ROBO2: variants seen among roughly 807,000 people sequenced by gnomAD.
ROBO2 encodes roundabout homolog 2.
A neutral mutation model predicts 160.8 loss-of-function variants in ROBO2; 53 were observed. The observed-to-expected ratio is 0.33, with a 90% confidence interval of 0.26 to 0.41. The LOEUF is 0.41. ROBO2 is among the 10% of genes least tolerant of loss of function. The pLI is 1.00. For missense variants in ROBO2, 1,577 were observed against 1,722.4 expected, an observed-to-expected ratio of 0.92 and a Z score of 1.49; for synonymous variants, 664 against 611.7, an observed-to-expected ratio of 1.09 and a Z score of -1.26.
chr3:76,430,755 T>C (rs898422880), intron 2 of ROBO2, among the ~76,000 whole-genome samples: 2 of 152,044 alleles, frequency 1.3e-5, no homozygotes, highest in African/African-American at 4.8e-5. Flanking sequence ...TTTAACTCAG[T>C]ACTTAAGATA....
chr3:76,400,290 A>G (rs2077738810), intron 2 of ROBO2, among the ~76,000 whole-genome samples: 1 of 151,642 alleles, frequency 6.6e-6, no homozygotes, highest in Admixed American at 6.6e-5. Context: ...TGCCAGTGAG[A>G]TAGTGAAATT....
chr3:76,273,021 A>G (rs1364196197), intron 2 of ROBO2, among the ~76,000 whole-genome samples: 5 of 99,334 alleles, frequency 5.0e-5, no homozygotes, highest in Non-Finnish European at 5.6e-5. Flanking sequence ...TATATTATAT[A>G]TAATATATAT....
At chr3:76,176,853 C>A (rs1001913331) in intron 2 of ROBO2, among the ~76,000 whole-genome samples, 2 of 151,908 alleles carry the variant, frequency 1.3e-5, no homozygotes, top group Non-Finnish European at 2.9e-5. Flanking sequence ...ATGTCATTTC[C>A]GTTTTATAGT....
intron 2 of ROBO2, among the ~76,000 whole-genome samples, chr3:77,476,659 A>G (rs2084044774): frequency 6.6e-6 from 1 of 152,170 alleles, no homozygotes; most frequent in South Asian, 2.1e-4. Flanking sequence ...AAGCACAAGT[A>G]GATAGATAGG....
At chr3:75,977,977 A>G (rs1299403889) in intron 2 of ROBO2, among the ~76,000 whole-genome samples, 6 of 151,590 alleles carry the variant, frequency 4.0e-5, no homozygotes, top group African/African-American at 1.5e-4. Flanking sequence ...GTTATAATGT[A>G]AAGGAAGTTA....
chr3:76,425,926 G>A (rs2076205100), intron 2 of ROBO2, among the ~76,000 whole-genome samples: 5 of 152,152 alleles, frequency 3.3e-5, no homozygotes, highest in Admixed American at 3.3e-4. Flanking sequence ...TTTAGTCACA[G>A]TTTCCCAGTT....
intron 2 of ROBO2, among the ~76,000 whole-genome samples, chr3:76,491,168 C>G (rs1363831424): frequency 6.6e-6 from 1 of 151,990 alleles, no homozygotes; most frequent in Non-Finnish European, 1.5e-5. Flanking sequence ...CCATGTTGGC[C>G]AGGCTGGTTT....
intron 1 of ROBO2, among the ~76,000 whole-genome samples, chr3:77,067,526 A>G (rs1463386723): frequency 2.6e-5 from 4 of 152,354 alleles, no homozygotes; most frequent in Non-Finnish European, 4.4e-5. Flanking sequence ...TTGGATATGC[A>G]TAACAGACTG....
At chr3:76,619,310 A>G (rs1157577202) in intron 2 of ROBO2, among the ~76,000 whole-genome samples, 1 of 149,404 alleles carries the variant, frequency 6.7e-6, no homozygotes, top group Non-Finnish European at 1.5e-5. Context: ...ACTGCACTCC[A>G]GCCTGGGCGA....
At position 76,891,188 on chromosome 3, in the gene ROBO2, T is replaced by C. The variant is rs376456603; in HGVS notation, c.110-206826T>C. On this transcript the variant is annotated intron_variant, in intron 2 of 26. Transcript: ENST00000487694. The stretch of plus-strand genomic sequence containing the variant: ...TTTTTAAATATTTCTGTATTTTTCT[T>C]ACCAGTATTTTGTTTAGAAGTTTGC... Among the ~76,000 whole-genome samples, 57 of 152,268 alleles carry C rather than the reference T, an allele frequency of 3.7e-4. No individual in the cohort carries two copies. The South Asian group carries it at 0.011, about 30-fold the overall frequency.
chr3:77,339,981 T>C (rs2066893988), intron 2 of ROBO2, among the ~76,000 whole-genome samples: 1 of 152,118 alleles, frequency 6.6e-6, no homozygotes. Context: ...AGTTGCAAGC[T>C]TTCCATAAAC....
At chr3:77,289,334 A>G (rs1168648744) in intron 2 of ROBO2, among the ~76,000 whole-genome samples, 2 of 152,134 alleles carry the variant, frequency 1.3e-5, no homozygotes, top group African/African-American at 2.4e-5. Flanking sequence ...CCAAAGACAT[A>G]AAGTAAAATT....
chr3:75,922,883 A>G (rs547614652), intron 1 of ROBO2, among the ~76,000 whole-genome samples: 1 of 152,192 alleles, frequency 6.6e-6, no homozygotes, highest in Non-Finnish European at 1.5e-5. Flanking sequence ...AGTAGATGGT[A>G]GGAAAATAAT....
At chr3:77,342,194 A>G (rs926741523) in intron 2 of ROBO2, among the ~76,000 whole-genome samples, 2 of 152,172 alleles carry the variant, frequency 1.3e-5, no homozygotes, top group African/African-American at 4.8e-5. Flanking sequence ...AGATAGAAGC[A>G]GCAGGAATCA....
intron 5 of ROBO2, among the ~76,000 whole-genome samples, chr3:77,516,052 A>G (rs2089986124): frequency 6.6e-6 from 1 of 151,580 alleles, no homozygotes; most frequent in African/African-American, 2.4e-5. Flanking sequence ...TTTTAATATG[A>G]ATAATATTGG....
At chr3:76,256,323 C>A (rs1706365751) in intron 2 of ROBO2, among the ~76,000 whole-genome samples, 2 of 92,858 alleles carry the variant, frequency 2.2e-5, no homozygotes, top group African/African-American at 6.5e-5. Context: ...CTCTCTCTCT[C>A]TCTCTCTCTC....
chr3:77,180,539 G>A (rs571519508), intron 2 of ROBO2, among the ~76,000 whole-genome samples: 5 of 148,274 alleles, frequency 3.4e-5, no homozygotes, highest in East Asian at 4.0e-4. Flanking sequence ...GGGTTCAAGC[G>A]ATTCTCCTGC....
At chr3:77,269,463 AT>A (rs1560388398) in intron 2 of ROBO2, among the ~76,000 whole-genome samples, 1 of 152,050 alleles carries the variant, frequency 6.6e-6, no homozygotes, top group Non-Finnish European at 1.5e-5. Context: ...TTTCTTTTGG[AT>A]TTGGCGTTCC....
chr3:76,267,877 TCACATCCAC>T (rs1707191727), intron 2 of ROBO2, among the ~76,000 whole-genome samples: 2 of 152,150 alleles, frequency 1.3e-5, no homozygotes, highest in Non-Finnish European at 2.9e-5. Flanking sequence ...CCTTTGTACC[TCACATCCAC>T]ATTACTACAT....
Sources: gnomAD v4.1 joint callset for allele counts (sites outside exome capture counted in the v4.1 genomes callset) on GRCh38, gnomAD v4.1.1 for gene constraint, MANE v1.5 for transcripts, NCBI Gene and HGNC (gene_info 2026-07-23, HGNC 2026-07-21) for gene names.